The following PFKFB3 variants were observed in gnomAD, a reference collection of about 807,000 sequenced individuals.
The protein encoded by PFKFB3 is 6-phosphofructo-2-kinase/fructose-2,6-bisphosphatase 3.
PFKFB3 carries 33 observed loss-of-function variants against 68.0 expected under a neutral mutation model. That is an observed-to-expected ratio of 0.49 (90% CI 0.37 to 0.65). The LOEUF (loss-of-function observed/expected upper bound fraction) is 0.65, where lower values mean the gene tolerates loss of function less well. Among genes scored for constraint, PFKFB3 ranks in the 30% least tolerant of loss-of-function variants. The pLI is 0.00. For missense variants in PFKFB3, 586 were observed against 712.2 expected (o/e 0.82, Z 2.02); for synonymous variants, 315 against 288.2 (o/e 1.09, Z -0.94).
the PFKFB3 span, among the ~76,000 whole-genome samples, chr10:6,304,306 C>A: frequency 2.5e-3 from 379 of 152,008 alleles, 1 homozygote; most frequent in African/African-American, 8.5e-3. Context: ...CTTTAGGGAG[C>A]AGATCTAAAC....
rs368861793 is a variant in PFKFB3, at chr10:6,195,892, C to T, written c.17-17731C>T. 2.4e-4 allele frequency among the ~76,000 whole-genome samples: 37 copies of T among 152,258 alleles called. No homozygotes were observed. The South Asian group carries it at 5.0e-3, about 20-fold the overall frequency. ...TGATCTCCTTTGGGGAGGTGAGGCC[C>T]GTCACTACTTAATGTGGCAAGGTTG... is the stretch of plus-strand genomic sequence containing the variant. On this transcript the variant is annotated intron_variant, in intron 1 of 14. Coordinates refer to the PFKFB3 transcript ENST00000379789.
the PFKFB3 span, among the ~76,000 whole-genome samples, chr10:6,323,174 T>C: frequency 1.3e-5 from 2 of 152,240 alleles, no homozygotes; most frequent in South Asian, 4.1e-4. Context: ...TCTATATCCA[T>C]AGATATATCA....
chr10:6,146,241 C>T, intron 1 of PFKFB3: 2 of 1,448,470 alleles, frequency 1.4e-6, no homozygotes, highest in East Asian at 2.5e-5. Flanking sequence ...AACTCAGAGG[C>T]ACGGCCAGCG....
rs1843437963 is a variant in PFKFB3, at chr10:6,203,038, G to GGCATCCCCA, written c.-220_-212dup. ...CCGAGCGGACGAGCCGGCCGTGCCG[G>GGCATCCCCA]GCATCCCCAGCCTCGCTACCCTCGC... On this transcript the variant is annotated 5_prime_UTR_variant, in exon 1 of 15. Transcript: ENST00000379775. The GGCATCCCCA allele has an allele frequency of 2.2e-6, 3 of 1,376,992 alleles. No homozygotes were observed. In the East Asian group the frequency reaches 9.0e-5, roughly 41 times the overall value. The allele number at this position is 1,376,992 out of a possible 1,614,324, so 85.3% of individuals were successfully genotyped here. A position where few individuals can be genotyped will look rare whatever the true frequency, so the allele number is the denominator to read the frequency against.
chr10:6,280,559 G>A, the PFKFB3 span, among the ~76,000 whole-genome samples: 2 of 152,194 alleles, frequency 1.3e-5, no homozygotes, highest in Non-Finnish European at 2.9e-5. Context: ...TGTGAGCATA[G>A]CATCAATCCT....
the PFKFB3 span, among the ~76,000 whole-genome samples, chr10:6,315,484 CTTT>C: frequency 6.6e-6 from 1 of 152,102 alleles, no homozygotes; most frequent in Non-Finnish European, 1.5e-5. Context: ...CGAGTATTTT[CTTT>C]TTTTCTTTTC....
At position 6,228,244 on chromosome 10, in the gene PFKFB3, C is replaced by T; in HGVS notation, c.1515+1879C>T. 1 of 1,611,848 alleles carries T rather than the reference C, an allele frequency of 6.2e-7. No homozygotes were observed. The highest frequency in any genetic ancestry group is 8.5e-7 in the Non-Finnish European group (1 of 1,179,074). On this transcript the variant is annotated intron_variant, in intron 14 of 14. Transcript: ENST00000379775. This position sits in a 1 kb window ranked among gnomAD's most constrained non-coding sequence, Gnocchi z 4.5. ...GTAAGTATCTCTCCGATCATCGCTG[C>T]TGCTTGCACTGCTTTCTTCCTGCTT...
chr10:6,215,339 A>AGGGCT lies in PFKFB3; in HGVS notation c.299+29_299+33dup. ...GGAAGTAAGGCTGGGCCGCGGGCGT[A>AGGGCT]GGGCTGGGCTGTGGGAATAAGGCTG... On this transcript the variant is annotated intron_variant, in intron 3 of 14. Coordinates refer to ENST00000379775, the MANE Select transcript of PFKFB3 (RefSeq NM_004566.4). This position sits in a 1 kb window ranked among gnomAD's most constrained non-coding sequence, Gnocchi z 4.3. 1 of 1,585,220 alleles carries AGGGCT rather than the reference A, an allele frequency of 6.3e-7. No individual in the cohort carries two copies. The highest frequency in any genetic ancestry group is 2.2e-5 in the East Asian group (1 of 44,704).
chr10:6,207,783 T>A (rs1037793467), intron 1 of PFKFB3, among the ~76,000 whole-genome samples: 2 of 152,258 alleles, frequency 1.3e-5, no homozygotes, highest in Admixed American at 1.3e-4. Context: ...TGTAGCTTCC[T>A]TCGCATGCAT....
chr10:6,326,354 G>A, the PFKFB3 span, among the ~76,000 whole-genome samples: 2 of 152,148 alleles, frequency 1.3e-5, no homozygotes, highest in South Asian at 2.1e-4. Flanking sequence ...TAATACCTAC[G>A]TGACGGGTTG....
At position 6,215,205 on chromosome 10, in the gene PFKFB3, T is replaced by A; in HGVS notation, c.203-16T>A. The A allele has an allele frequency of 2.5e-6, 4 of 1,609,064 alleles. No homozygotes were observed. The highest frequency in any genetic ancestry group is 3.4e-6 in the Non-Finnish European group (4 of 1,175,560). ...TCCTGCTCGATCATCCAGACTGTTC[T>A]CTTTCCCGTCCACAGTGTTCAACGT... On this transcript the variant is annotated splice_polypyrimidine_tract_variant and intron_variant, in intron 2 of 14. Coordinates refer to ENST00000379775, the MANE Select transcript of PFKFB3 (RefSeq NM_004566.4). The surrounding 1 kb of genome is among the most constrained non-coding windows in gnomAD (Gnocchi z 4.3).
intron 14 of PFKFB3, among the ~76,000 whole-genome samples, chr10:6,241,827 AT>A (rs1462663818): frequency 6.8e-6 from 1 of 147,174 alleles, no homozygotes; most frequent in Non-Finnish European, 1.5e-5. Flanking sequence ...CTTTTTTTTA[AT>A]TTTTTTTTGC....
chr10:6,227,992 G>A (rs771560898), intron 14 of PFKFB3, among the ~76,000 whole-genome samples: 1 of 152,218 alleles, frequency 6.6e-6, no homozygotes, highest in Non-Finnish European at 1.5e-5. Context: ...GACCTCCGTC[G>A]TGGAGGACGC....
At chr10:6,249,195 A>G (rs936494633) in intron 14 of PFKFB3, among the ~76,000 whole-genome samples, 8 of 148,288 alleles carry the variant, frequency 5.4e-5, no homozygotes, top group Non-Finnish European at 1.0e-4. Flanking sequence ...AAAAAAAAAA[A>G]AAAAAAAAGA....
chr10:6,224,373 C>T (rs1845177738), intron 13 of PFKFB3, 160 bp downstream of exon 13: 2 of 656,866 alleles, frequency 3.0e-6, no homozygotes, highest in South Asian at 3.5e-5. Context: ...TTGTTCCTGC[C>T]TGTCTGTTCT....
the PFKFB3 span, among the ~76,000 whole-genome samples, chr10:6,274,844 A>AC: frequency 6.6e-6 from 1 of 151,852 alleles, no homozygotes; most frequent in African/African-American, 2.4e-5. Context: ...TCAAAAAAAA[A>AC]ACAAAAAACA....
At chr10:6,227,054 C>G (rs1845411687) in intron 14 of PFKFB3, among the ~76,000 whole-genome samples, 1 of 151,956 alleles carries the variant, frequency 6.6e-6, no homozygotes, top group African/African-American at 2.4e-5. Context: ...CCACTGCACT[C>G]CAGCCTGGGT....
At position 6,229,644 on chromosome 10, in the gene PFKFB3, C is replaced by T. The variant is rs568634254; in HGVS notation, c.1516-3251C>T. 8.5e-5 allele frequency among the ~76,000 whole-genome samples: 13 copies of T among 152,306 alleles called. No homozygotes were observed. In the East Asian group the frequency reaches 1.5e-3, roughly 18 times the overall value. On this transcript the variant is annotated intron_variant, in intron 14 of 14. Coordinates refer to ENST00000379775, the MANE Select transcript of PFKFB3 (RefSeq NM_004566.4). The surrounding 1 kb of genome is among the most constrained non-coding windows in gnomAD (Gnocchi z 4.3). ...CAGTGTCTGTGATGCGCGGGGCCAG[C>T]GTGCAGTGCTTCAGGATCTGGGCTT...
chr10:6,193,795 A>C (rs777246079), intron 1 of PFKFB3, among the ~76,000 whole-genome samples: 6 of 152,128 alleles, frequency 3.9e-5, no homozygotes, highest in Admixed American at 6.6e-5. Flanking sequence ...AATTACAAAG[A>C]AACTTCTTAA....
Sources: allele counts gnomAD v4.1 joint callset (sites outside exome capture counted in the v4.1 genomes callset), GRCh38; gene constraint gnomAD v4.1.1; non-coding constraint Gnocchi (gnomAD v3.1); transcripts MANE v1.5; gene names NCBI Gene and HGNC (gene_info 2026-07-23, HGNC 2026-07-21).